The following ADAMTS17 variants were observed in gnomAD, a reference collection of about 807,000 sequenced individuals.
ADAMTS17 encodes A disintegrin and metalloproteinase with thrombospondin motifs 17.
Under a neutral mutation model 141.5 loss-of-function variants are expected in ADAMTS17, and 113 were observed. The observed-to-expected ratio is 0.80, with a 90% CI of 0.69 to 0.93. ADAMTS17 has a LOEUF of 0.93. ADAMTS17 is among the 40% of genes least tolerant of loss of function. The pLI is 0.00. For missense variants in ADAMTS17, 1,659 were observed against 1,517.9 expected (o/e 1.09, Z -1.54); for synonymous variants, 768 against 630.6 (o/e 1.22, Z -3.27).
At chr15:100,113,839 C>G (rs1214560851) in intron 13 of ADAMTS17, among the ~76,000 whole-genome samples, 1 of 152,222 alleles carries the variant, frequency 6.6e-6, no homozygotes, top group African/African-American at 2.4e-5. Context: ...TCTGCCGTGC[C>G]AGGCAGGAGG....
chr15:100,168,469 A>G (rs1207356747), intron 8 of ADAMTS17: 1 of 152,186 alleles, frequency 6.6e-6, no homozygotes, highest in African/African-American at 2.4e-5. Context: ...CTGAGCCTAG[A>G]GAGTAATTCA....
chr15:100,077,807 A>C (rs1255566574), intron 15 of ADAMTS17, among the ~76,000 whole-genome samples: 2 of 152,222 alleles, frequency 1.3e-5, no homozygotes, highest in African/African-American at 4.8e-5. Context: ...CAGATTGGAA[A>C]GAAGAAGTAA....
chr15:100,053,821 A>C lies in ADAMTS17; in HGVS notation c.2295+76T>G, dbSNP rs2032330953. ...TCCTGCCCCCGAGGTCCCAGGCAGA[A>C]GTAAACTGGAAAGTAACCTAGTAGA... On this transcript the variant is annotated intron_variant, in intron 16 of 21. Coordinates refer to ENST00000268070, the MANE Select transcript of ADAMTS17 (RefSeq NM_139057.4). 20 of 1,611,616 alleles carry C rather than the reference A, an allele frequency of 1.2e-5. 1 individual carries two copies. In the South Asian group the frequency reaches 2.0e-4, roughly 16 times the overall value.
At chr15:100,291,933 A>G (rs1431308556) in intron 3 of ADAMTS17, among the ~76,000 whole-genome samples, 1 of 152,260 alleles carries the variant, frequency 6.6e-6, no homozygotes, top group Non-Finnish European at 1.5e-5. Context: ...AAACTAAAAT[A>G]AAAGTTAAAA....
chr15:100,275,398 T>A (rs1426018429), intron 4 of ADAMTS17, among the ~76,000 whole-genome samples: 1 of 152,160 alleles, frequency 6.6e-6, no homozygotes, highest in African/African-American at 2.4e-5. Context: ...AGGAAGAGGA[T>A]CTTGCTGGTT....
intron 18 of ADAMTS17, among the ~76,000 whole-genome samples, chr15:99,998,377 T>C (rs560806519): frequency 2.0e-5 from 3 of 152,160 alleles, no homozygotes; most frequent in East Asian, 3.9e-4. Context: ...CTGAGGCAGG[T>C]GGATCACTTG....
At chr15:100,297,240 G>A (rs978995365) in intron 3 of ADAMTS17, among the ~76,000 whole-genome samples, 3 of 152,166 alleles carry the variant, frequency 2.0e-5, no homozygotes, top group East Asian at 1.9e-4. Flanking sequence ...AAGAGAGAAC[G>A]TAGGCACCAA....
intron 18 of ADAMTS17, among the ~76,000 whole-genome samples, chr15:100,046,479 G>A (rs894116810): frequency 2.6e-5 from 4 of 152,158 alleles, no homozygotes; most frequent in Admixed American, 2.0e-4. Context: ...AAAGACTTGG[G>A]TATAAAATAG....
At chr15:100,270,550 C>A (rs576856790) in intron 4 of ADAMTS17, among the ~76,000 whole-genome samples, 1 of 151,936 alleles carries the variant, frequency 6.6e-6, no homozygotes, top group East Asian at 2.0e-4. Context: ...AGCACTGAAT[C>A]CTTCGCAAAG....
chr15:100,170,958 G>A (rs1329501521), intron 8 of ADAMTS17, among the ~76,000 whole-genome samples: 1 of 152,198 alleles, frequency 6.6e-6, no homozygotes, highest in Non-Finnish European at 1.5e-5. Flanking sequence ...AGGCTATCAA[G>A]GGTTGTGAGA....
At chr15:100,289,207 T>C (rs766470006) in intron 3 of ADAMTS17, among the ~76,000 whole-genome samples, 1 of 152,168 alleles carries the variant, frequency 6.6e-6, no homozygotes, top group Admixed American at 6.5e-5. Context: ...AAGACTACTA[T>C]GAACACCTCT....
Position 100,206,242 on chromosome 15 carries a change from A to C in ADAMTS17, c.1076-6819T>G, listed in dbSNP as rs79650045. 6.8e-3 allele frequency among the ~76,000 whole-genome samples: 1,037 copies of C among 152,302 alleles called. 10 individuals carry two copies. The highest frequency in any genetic ancestry group is 0.024 in the African/African-American group (981 of 41,560). ...TGTCTTCTAGCATTTGGCATTCAGGAAACACCATGCCCTGACCAGCCTGCC... is the reference window on the plus strand; with the variant it reads ...TGTCTTCTAGCATTTGGCATTCAGGCAACACCATGCCCTGACCAGCCTGCC... On this transcript the variant is annotated intron_variant, in intron 7 of 21. Coordinates refer to ENST00000268070, the MANE Select transcript of ADAMTS17 (RefSeq NM_139057.4).
intron 8 of ADAMTS17, among the ~76,000 whole-genome samples, chr15:100,156,037 C>T (rs35452005): frequency 0.079 from 11,960 of 152,206 alleles, 693 homozygotes; most frequent in African/African-American, 0.17. Flanking sequence ...ATAAGGATGA[C>T]CATCTTTCAA....
intron 3 of ADAMTS17, among the ~76,000 whole-genome samples, chr15:100,313,619 G>A (rs1386422569): frequency 6.6e-6 from 1 of 152,204 alleles, no homozygotes; most frequent in Non-Finnish European, 1.5e-5. Context: ...AGTAACAGAA[G>A]TTGACATCCC....
intron 16 of ADAMTS17, among the ~76,000 whole-genome samples, chr15:100,051,963 C>G (rs1275163286): frequency 6.6e-6 from 1 of 152,200 alleles, no homozygotes; most frequent in Non-Finnish European, 1.5e-5. Flanking sequence ...GAGTTCTGTT[C>G]TTTCCTACCC....
chr15:99,984,958 G>A (rs2060555235), intron 20 of ADAMTS17, among the ~76,000 whole-genome samples: 1 of 152,244 alleles, frequency 6.6e-6, no homozygotes, highest in Non-Finnish European at 1.5e-5. Context: ...GGACCCAGGA[G>A]ATGGAGGCAC....
intron 15 of ADAMTS17, among the ~76,000 whole-genome samples, chr15:100,063,276 C>T (rs373117134): frequency 6.6e-6 from 1 of 152,172 alleles, no homozygotes; most frequent in East Asian, 1.9e-4. Flanking sequence ...AGAAGTCATC[C>T]CCAGAGCCAC....
chr15:100,244,735 C>G lies in ADAMTS17; in HGVS notation c.1075+9401G>C, dbSNP rs145563844. Among the ~76,000 whole-genome samples the G allele has an allele frequency of 1.4e-3, 210 of 152,122 alleles. 1 individual carries two copies. The highest frequency in any genetic ancestry group is 3.5e-3 in the Admixed American group (53 of 15,296). ...CAGCCTGCGATTTCCTCGGCTTGTT[C>G]CAACCGGAGCAGGACCCTTGTTTCA... is the stretch of plus-strand genomic sequence containing the variant. On this transcript the variant is annotated intron_variant, in intron 7 of 21. Transcript: ENST00000268070.
intron 20 of ADAMTS17, among the ~76,000 whole-genome samples, chr15:99,980,965 C>T (rs941214785): frequency 1.1e-4 from 17 of 152,306 alleles, no homozygotes; most frequent in African/African-American, 1.4e-4. Context: ...GTGGACCCCT[C>T]GTAGGCCTCC....
Sources: gnomAD v4.1 joint callset for allele counts (sites outside exome capture counted in the v4.1 genomes callset) on GRCh38, gnomAD v4.1.1 for gene constraint, MANE v1.5 for transcripts, NCBI Gene and HGNC (gene_info 2026-07-23, HGNC 2026-07-21) for gene names.